The following NRG3 variants were observed in gnomAD, a reference collection of about 807,000 sequenced individuals.
NRG3 encodes pro-neuregulin-3, membrane-bound isoform.
NRG3 carries 31 observed loss-of-function variants against 66.9 expected under a neutral mutation model. The observed-to-expected ratio is 0.46, with a 90% CI of 0.35 to 0.63. NRG3 has a LOEUF of 0.63. NRG3 is among the 20% of genes least tolerant of loss of function. NRG3 has a pLI of 0.00. For synonymous variants in NRG3, 393 were observed against 359.4 expected (o/e 1.09, Z -1.06); for missense variants, 910 against 878.9 (o/e 1.04, Z -0.45).
chr10:82,072,984 A>G (rs1590002252), intron 1 of NRG3, among the ~76,000 whole-genome samples: 1 of 152,012 alleles, frequency 6.6e-6, no homozygotes, highest in East Asian at 1.9e-4. Context: ...TATGTTTCCC[A>G]GGCTGGTCTT....
At chr10:81,991,621 G>A (rs1226491782) in intron 1 of NRG3, among the ~76,000 whole-genome samples, 2 of 152,044 alleles carry the variant, frequency 1.3e-5, no homozygotes, top group East Asian at 1.9e-4. Flanking sequence ...AAATATAAAA[G>A]CCTATTTACC....
chr10:82,722,224 T>A (rs912898671), intron 2 of NRG3, among the ~76,000 whole-genome samples: 1 of 152,240 alleles, frequency 6.6e-6, no homozygotes, highest in African/African-American at 2.4e-5. Flanking sequence ...CTCATCTTTG[T>A]TGAAACATGC....
intron 1 of NRG3, among the ~76,000 whole-genome samples, chr10:82,066,544 A>G (rs1219322883): frequency 1.3e-5 from 2 of 152,172 alleles, no homozygotes; most frequent in East Asian, 1.9e-4. Context: ...CCTCTGCAAT[A>G]TGTGCTTTCT....
intron 1 of NRG3, among the ~76,000 whole-genome samples, chr10:82,132,515 T>TATGATATATATGA (rs2068972339): frequency 9.3e-5 from 1 of 10,762 alleles, no homozygotes; most frequent in Non-Finnish European, 2.5e-4. Context: ...CATATATATA[T>TATGATATATATGA]GATATATATG....
At chr10:82,178,228 A>T (rs2133194454) in intron 1 of NRG3, among the ~76,000 whole-genome samples, 1 of 152,338 alleles carries the variant, frequency 6.6e-6, no homozygotes, top group African/African-American at 2.4e-5. Flanking sequence ...TTTCATTGTG[A>T]TTAAAAATGC....
intron 1 of NRG3, among the ~76,000 whole-genome samples, chr10:82,191,876 T>G: frequency 6.6e-6 from 1 of 152,314 alleles, no homozygotes; most frequent in East Asian, 1.9e-4. Flanking sequence ...GCCCATTTTC[T>G]TATGCCCTGG....
intron 4 of NRG3, among the ~76,000 whole-genome samples, chr10:82,905,149 T>C (rs918049544): frequency 6.6e-6 from 1 of 152,182 alleles, no homozygotes. Context: ...TTACCCATGG[T>C]CTTTATATTT....
intron 2 of NRG3, among the ~76,000 whole-genome samples, chr10:82,548,038 CG>C (rs1191831726): frequency 5.4e-5 from 5 of 92,060 alleles, no homozygotes; most frequent in African/African-American, 6.9e-5. Context: ...ACTCATGCCA[CG>C]TTTTTTTTTT....
intron 2 of NRG3, among the ~76,000 whole-genome samples, chr10:82,374,583 A>G (rs2085089947): frequency 6.6e-6 from 1 of 152,206 alleles, no homozygotes; most frequent in Non-Finnish European, 1.5e-5. Flanking sequence ...TAGTGAGTGT[A>G]TGAATCCTGT....
intron 2 of NRG3, among the ~76,000 whole-genome samples, chr10:82,678,288 T>A (rs1198693469): frequency 6.6e-6 from 1 of 151,340 alleles, no homozygotes; most frequent in Non-Finnish European, 1.5e-5. Flanking sequence ...AAAAAGAGAG[T>A]CAGCGAAGGG....
At chr10:82,963,348 T>C (rs1303007592) in intron 6 of NRG3, among the ~76,000 whole-genome samples, 2 of 152,208 alleles carry the variant, frequency 1.3e-5, no homozygotes, top group Admixed American at 6.5e-5. Flanking sequence ...AGTGGGTTTT[T>C]ATAGGAAATG....
At chr10:82,637,300 G>T (rs1284723801) in intron 2 of NRG3, among the ~76,000 whole-genome samples, 2 of 152,072 alleles carry the variant, frequency 1.3e-5, no homozygotes, top group Admixed American at 1.3e-4. Context: ...GTTAGTAATT[G>T]ATTATAGCTG....
intron 2 of NRG3, among the ~76,000 whole-genome samples, chr10:82,409,348 C>T (rs2087870378): frequency 6.6e-6 from 1 of 152,062 alleles, no homozygotes; most frequent in African/African-American, 2.4e-5. Context: ...TTGGATAATG[C>T]TTGTGTATAT....
At chr10:82,076,007 G>A (rs752683598) in intron 1 of NRG3, among the ~76,000 whole-genome samples, 2 of 151,978 alleles carry the variant, frequency 1.3e-5, no homozygotes, top group African/African-American at 4.8e-5. Context: ...AAAAGACTGA[G>A]GGAGGAAGGG....
At chr10:82,350,708 G>T (rs1443502535) in intron 1 of NRG3, among the ~76,000 whole-genome samples, 1 of 152,112 alleles carries the variant, frequency 6.6e-6, no homozygotes, top group Non-Finnish European at 1.5e-5. Context: ...CAGTATTATT[G>T]GAGCTCAAGA....
At chr10:82,116,573 T>A (rs2132306765) in intron 1 of NRG3, among the ~76,000 whole-genome samples, 1 of 152,296 alleles carries the variant, frequency 6.6e-6, no homozygotes, top group Non-Finnish European at 1.5e-5. Flanking sequence ...CATTTTAAAA[T>A]AACGAAAGCT....
At chr10:82,757,112 G>A (rs190612185) in intron 3 of NRG3, among the ~76,000 whole-genome samples, 1 of 152,178 alleles carries the variant, frequency 6.6e-6, no homozygotes, top group Non-Finnish European at 1.5e-5. Flanking sequence ...GTGATGCACA[G>A]GATTTGCTCT....
intron 4 of NRG3, among the ~76,000 whole-genome samples, chr10:82,912,011 T>C (rs529449255): frequency 1.7e-4 from 26 of 152,286 alleles, no homozygotes; most frequent in African/African-American, 6.3e-4. Flanking sequence ...TTCTTATTTA[T>C]ATTTTAATCC....
intron 3 of NRG3, among the ~76,000 whole-genome samples, chr10:82,798,637 A>G (rs1381196536): frequency 6.6e-6 from 1 of 152,202 alleles, no homozygotes; most frequent in African/African-American, 2.4e-5. Flanking sequence ...AAATTTTATA[A>G]TTTATTTTTA....
Sources: gnomAD v4.1 joint callset for allele counts (sites outside exome capture counted in the v4.1 genomes callset) on GRCh38, gnomAD v4.1.1 for gene constraint, MANE v1.5 for transcripts, NCBI Gene and HGNC (gene_info 2026-07-23, HGNC 2026-07-21) for gene names.